Variants in VIRMA observed in about 807,000 individuals in gnomAD.
The protein encoded by VIRMA is protein virilizer homolog.
VIRMA carries 65 observed loss-of-function variants against 182.4 expected under a neutral mutation model. The observed-to-expected ratio is 0.36, with a 90% CI of 0.29 to 0.44. The LOEUF is 0.44. Among genes scored for constraint, VIRMA ranks in the 20% least tolerant of loss-of-function variants. The pLI, the probability that VIRMA is intolerant of heterozygous loss-of-function variation, is 1.00. For synonymous variants in VIRMA, 709 were observed against 743.1 expected (o/e 0.95, Z 0.75); for missense variants, 1,752 against 2,158.1 (o/e 0.81, Z 3.73).
At chr8:94,527,468 C>A (rs1466544783) in intron 7 of VIRMA, 105 bp from the exon 8 acceptor site, 2 of 744,736 alleles carry the variant, frequency 2.7e-6, no homozygotes, top group Non-Finnish European at 4.0e-6. Flanking sequence ...AAAATGATTT[C>A]CTCAACAAAA....
chr8:94,551,926 G>A (rs946210425), intron 1 of VIRMA, among the ~76,000 whole-genome samples: 4 of 152,166 alleles, frequency 2.6e-5, no homozygotes, highest in Non-Finnish European at 5.9e-5. Flanking sequence ...GCACTGTGTT[G>A]CCTAGGATGG....
At chr8:94,524,025 G>T (rs1050644412) in intron 8 of VIRMA, among the ~76,000 whole-genome samples, 1 of 150,848 alleles carries the variant, frequency 6.6e-6, no homozygotes, top group Non-Finnish European at 1.5e-5. Context: ...TTGAGACGGA[G>T]TTTCGCTCTT....
chr8:94,535,635 T>C (rs1216681162), intron 4 of VIRMA, among the ~76,000 whole-genome samples: 3 of 151,972 alleles, frequency 2.0e-5, no homozygotes, highest in Admixed American at 1.3e-4. Context: ...TTACAAAAAT[T>C]AGCCAGGGTG....
intron 3 of VIRMA, 84 bp downstream of exon 3, chr8:94,538,176 C>T (rs1815407230): frequency 1.1e-6 from 1 of 908,400 alleles, no homozygotes; most frequent in East Asian, 2.4e-5. Flanking sequence ...CAGATACATC[C>T]TTTTCTTCTA....
At chr8:94,492,183 G>A (rs1468004351) in intron 21 of VIRMA, among the ~76,000 whole-genome samples, 5 of 151,762 alleles carry the variant, frequency 3.3e-5, no homozygotes, top group Non-Finnish European at 7.4e-5. Context: ...AATGTACTGG[G>A]TATATCCTGG....
chr8:94,510,385 A>G lies in VIRMA; in HGVS notation c.3626+32T>C. 3 of 1,558,030 alleles carry G rather than the reference A, an allele frequency of 1.9e-6. No homozygotes were observed. The South Asian group carries it at 3.5e-5, about 18-fold the overall frequency. On this transcript the variant is annotated intron_variant, in intron 14 of 23. Coordinates refer to ENST00000297591, the MANE Select transcript of VIRMA (RefSeq NM_015496.5). ...AAATATATGTGTCAAAAATAATTTGAGGAAAAAATTTTTAATGCAAAATGA... is the reference window on the plus strand; with the variant it reads ...AAATATATGTGTCAAAAATAATTTGGGGAAAAAATTTTTAATGCAAAATGA...
At chr8:94,521,184 T>C (rs933959472) in intron 8 of VIRMA, among the ~76,000 whole-genome samples, 2 of 152,134 alleles carry the variant, frequency 1.3e-5, no homozygotes, top group African/African-American at 4.8e-5. Flanking sequence ...TTAGCTATTT[T>C]TCCTGATGCT....
intron 15 of VIRMA, 102 bp from the exon 16 acceptor site, chr8:94,506,819 A>C: frequency 4.6e-6 from 3 of 654,762 alleles, no homozygotes; most frequent in Non-Finnish European, 7.9e-6. Flanking sequence ...TAACTATCTC[A>C]TTAAAATATT....
chr8:94,494,851 A>T lies in VIRMA; in HGVS notation c.4641+9T>A. On this transcript the variant is annotated intron_variant, in intron 20 of 23. Transcript: ENST00000297591. ...AACGTTTTTCTAAATATTTAGTAAT[A>T]ATTTATACCAAATCCAGATCTGTAT... 1 of 1,433,164 alleles carries T rather than the reference A, an allele frequency of 7.0e-7. No individual in the cohort carries two copies. The highest frequency in any genetic ancestry group is 9.7e-7 in the Non-Finnish European group (1 of 1,032,318). The allele number at this position is 1,433,164 out of a possible 1,614,324, so 88.8% of individuals were successfully genotyped here. A position where few individuals can be genotyped will look rare whatever the true frequency, so the allele number is the denominator to read the frequency against.
rs1815373202 is a variant in VIRMA at position 94,537,155 on chromosome 8, T to G, written c.267-4A>C. The G allele has an allele frequency of 6.3e-7, 1 of 1,584,442 alleles. No homozygotes were observed. Among genetic ancestry groups the G allele is most frequent in the Non-Finnish European group, 8.7e-7 (1 of 1,153,396 alleles). On this transcript the variant is annotated splice_polypyrimidine_tract_variant and splice_region_variant and intron_variant, in intron 3 of 23. Coordinates refer to ENST00000297591, the MANE Select transcript of VIRMA (RefSeq NM_015496.5). Reference sequence around the variant, plus strand: ...AGTATTCTCATCATATTCCAGGCTGTCAAGAGAGTAGAAATAAATATGTAA... The same window carrying G: ...AGTATTCTCATCATATTCCAGGCTGGCAAGAGAGTAGAAATAAATATGTAA...
intron 19 of VIRMA, 110 bp downstream of exon 19, chr8:94,495,621 G>T (rs76642335): frequency 2.4e-5 from 17 of 696,720 alleles, no homozygotes; most frequent in Non-Finnish European, 9.0e-6. Flanking sequence ...GCAAAGCCTA[G>T]AATTCTTACT....
intron 5 of VIRMA, 62 bp downstream of exon 5, chr8:94,534,777 A>AC (rs1563477750): frequency 8.3e-7 from 1 of 1,197,616 alleles, no homozygotes; most frequent in Non-Finnish European, 1.2e-6. Context: ...TCTTCGAATT[A>AC]TTTTTTTTTT....
At chr8:94,543,401 C>CAAAAA (rs1162030319) in intron 2 of VIRMA, among the ~76,000 whole-genome samples, 37 of 43,174 alleles carry the variant, frequency 8.6e-4, no homozygotes, top group African/African-American at 9.4e-4. Flanking sequence ...AACTCCATCT[C>CAAAAA]AAAAAAAAAA....
chr8:94,512,032 G>T lies in VIRMA; in HGVS notation c.2809C>A (p.Leu937Ile). Residue 937 changes from leucine to isoleucine, a missense_variant, in exon 12 of 24, where the codon CTC becomes ATC. Leu to Ile is a conservative substitution (Grantham distance 5, BLOSUM62 2). Transcript: ENST00000297591. ...GGTGGTGGGCATGCAACATTACAGA[G>T]AACACGTAAGGCAGTGGTAAGGCCA... ...GVGLTTALRV[L>I]CNVACPPPPV... The T allele has an allele frequency of 6.5e-7, 1 of 1,533,866 alleles. No individual in the cohort carries two copies. The highest frequency in any genetic ancestry group is 8.8e-7 in the Non-Finnish European group (1 of 1,140,350).
At chr8:94,504,602 T>G (rs1278295078) in intron 16 of VIRMA, among the ~76,000 whole-genome samples, 1 of 152,172 alleles carries the variant, frequency 6.6e-6, no homozygotes, top group Non-Finnish European at 1.5e-5. Context: ...CTTTGGCTTC[T>G]GAGAGAACGA....
chr8:94,511,423 C>T lies in VIRMA; in HGVS notation c.3152G>A (p.Gly1051Asp). The T allele has an allele frequency of 6.2e-7, 1 of 1,614,050 alleles. No individual in the cohort carries two copies. Among genetic ancestry groups the T allele is most frequent in the Non-Finnish European group, 8.5e-7 (1 of 1,180,008 alleles). The change falls in exon 13 of 24, where the codon GGT (glycine) becomes GAT (aspartate). Residue 1051 changes from glycine to aspartate, a missense_variant. This residue lies in a region of VIRMA where 777 missense variants were observed against 920.6 expected (regional missense o/e 0.84). Transcript: ENST00000297591. ...HMLLCSIPLS[G>D]RLDSDEQKIQ... ...TTTCTGTTCATCACTATCCAAACGA[C>T]CTGAGAGGGGGATAGAGCACAGGAG...
At chr8:94,530,846 A>T in intron 6 of VIRMA, 117 bp downstream of exon 6, 1 of 1,113,036 alleles carries the variant, frequency 9.0e-7, no homozygotes, top group Non-Finnish European at 1.2e-6. Context: ...CAGGTGGTCA[A>T]GACTGCAGTG....
intron 8 of VIRMA, 96 bp downstream of exon 8, chr8:94,526,127 A>T (rs1423689427): frequency 1.1e-6 from 1 of 883,212 alleles, no homozygotes; most frequent in African/African-American, 1.7e-5. Flanking sequence ...ACACATAAAT[A>T]AGTTACCTAC....
chr8:94,497,288 T>A (rs775054363), intron 17 of VIRMA: 2 of 151,902 alleles, frequency 1.3e-5, no homozygotes, highest in African/African-American at 2.4e-5. Context: ...ATTTTTCATA[T>A]AGATGGGGTC....
Sources: allele counts gnomAD v4.1 joint callset (sites outside exome capture counted in the v4.1 genomes callset), GRCh38; gene constraint gnomAD v4.1.1; regional missense constraint gnomAD v4.1.1; transcripts MANE v1.5; gene names NCBI Gene and HGNC (gene_info 2026-07-23, HGNC 2026-07-21).